Variants in EXT1 observed in about 807,000 individuals in gnomAD.
EXT1 encodes the protein exostosin glycosyltransferase 1, also known as exostosin-1.
Under a neutral mutation model 82.5 loss-of-function variants are expected in EXT1, and 20 were observed. The ratio of observed to expected loss-of-function variants is 0.24; its 90% CI spans 0.17 to 0.35. EXT1 has a LOEUF of 0.35. EXT1 is among the 10% of genes least tolerant of loss of function. The pLI is 1.00. For missense variants in EXT1, 757 were observed against 936.5 expected, an observed-to-expected ratio of 0.81 and a Z score of 2.50; for synonymous variants, 348 against 350.8, an observed-to-expected ratio of 0.99 and a Z score of 0.09.
chr8:118,109,633 G>C (rs963050097), intron 1 of EXT1, among the ~76,000 whole-genome samples: 1 of 152,042 alleles, frequency 6.6e-6, no homozygotes, highest in African/African-American at 2.4e-5. Flanking sequence ...TGGGAAAGTA[G>C]GTACCCCCGC....
chr8:117,947,313 T>C (rs1317885343), intron 1 of EXT1, among the ~76,000 whole-genome samples: 1 of 152,222 alleles, frequency 6.6e-6, no homozygotes, highest in Non-Finnish European at 1.5e-5. Context: ...AAAGTCACTT[T>C]TTTCTTTCTT....
At chr8:117,839,751 C>T (rs1159172072) in intron 1 of EXT1, among the ~76,000 whole-genome samples, 1 of 152,210 alleles carries the variant, frequency 6.6e-6, no homozygotes, top group East Asian at 1.9e-4. Flanking sequence ...CATTGTGATG[C>T]TCTTTCACAC....
At chr8:118,019,415 CAG>C (rs1456893989) in intron 1 of EXT1, among the ~76,000 whole-genome samples, 1 of 152,114 alleles carries the variant, frequency 6.6e-6, no homozygotes, top group Non-Finnish European at 1.5e-5. Context: ...GAAAGACAGG[CAG>C]AGAGAGAGAA....
rs60354141 is a variant in EXT1 at position 118,002,528 on chromosome 8, CTT to C, written c.962+107555_962+107556del. 2.3e-3 allele frequency among the ~76,000 whole-genome samples: 197 copies of C among 87,082 alleles called. 2 individuals are homozygous for C. The highest frequency in any genetic ancestry group is 4.5e-3 in the Admixed American group (29 of 6,492). The allele number at this position is 87,082 out of a possible 152,430, so 57.1% of individuals were successfully genotyped here. ...TATGGAAAACAGTGTGAATATTTTT[CTT>C]TTTTTTTTTTTTTTTTTTTGAGACA... is the stretch of plus-strand genomic sequence containing the variant. On this transcript the variant is annotated intron_variant, in intron 1 of 10. Transcript: ENST00000378204.
At position 118,093,506 on chromosome 8, in the gene EXT1, T is replaced by G. The variant is rs572831212; in HGVS notation, c.962+16579A>C. On this transcript the variant is annotated intron_variant, in intron 1 of 10. Coordinates refer to ENST00000378204, the MANE Select transcript of EXT1 (RefSeq NM_000127.3). The stretch of plus-strand genomic sequence containing the variant: ...ACCCTCTGTATAATTCTGTAATGTA[T>G]AAGAAGAATTTAATCCTGTTCTAAC... Among the ~76,000 whole-genome samples, 95 of 152,268 alleles carry G rather than the reference T, an allele frequency of 6.2e-4. No individual in the cohort carries two copies. The South Asian group carries it at 0.019, about 30-fold the overall frequency.
Position 117,965,185 on chromosome 8 carries a change from G to T in EXT1, c.963-127984C>A, listed in dbSNP as rs576886057. Reference sequence around the variant, plus strand: ...AAAGACACAACCAGCGTATCCTCTGGAACTTGAAAATAAAGATAAAACATA... The same window carrying T: ...AAAGACACAACCAGCGTATCCTCTGTAACTTGAAAATAAAGATAAAACATA... On this transcript the variant is annotated intron_variant, in intron 1 of 10. Coordinates refer to ENST00000378204, the MANE Select transcript of EXT1 (RefSeq NM_000127.3). 5.0e-4 allele frequency among the ~76,000 whole-genome samples: 76 copies of T among 151,880 alleles called. No individual in the cohort carries two copies. The South Asian group carries it at 7.1e-3, about 14-fold the overall frequency.
At position 117,858,800 on chromosome 8, in the gene EXT1, C is replaced by A. The variant is rs1347484320; in HGVS notation, c.963-21599G>T. Among the ~76,000 whole-genome samples the A allele has an allele frequency of 2.8e-3, 200 of 71,766 alleles. 17 individuals carry two copies. The highest frequency in any genetic ancestry group is 0.015 in the African/African-American group (193 of 12,886). 47.1% of individuals were successfully genotyped at this position (71,766 alleles called of 152,430 possible). On this transcript the variant is annotated intron_variant, in intron 1 of 10. Coordinates refer to ENST00000378204, the MANE Select transcript of EXT1 (RefSeq NM_000127.3). ...AGGCAGGCAGGCAGGCAAGGCAAGG[C>A]AAGGCAAGGCAGGAAGGAAGGAAGG...
chr8:117,864,200 T>A (rs1054487975), intron 1 of EXT1, among the ~76,000 whole-genome samples: 1 of 151,972 alleles, frequency 6.6e-6, no homozygotes, highest in African/African-American at 2.4e-5. Flanking sequence ...ATCAGAAAAA[T>A]TTTTAAAAAG....
chr8:117,974,052 A>G (rs926719081), intron 1 of EXT1, among the ~76,000 whole-genome samples: 1 of 152,082 alleles, frequency 6.6e-6, no homozygotes, highest in East Asian at 1.9e-4. Context: ...GGAAAGTTTT[A>G]AGGTAAAAAG....
At chr8:117,909,125 C>G (rs1383249713) in intron 1 of EXT1, among the ~76,000 whole-genome samples, 4 of 109,888 alleles carry the variant, frequency 3.6e-5, no homozygotes, top group African/African-American at 1.0e-4. Flanking sequence ...GAGCGAGACT[C>G]TGTCTCAAAA....
intron 1 of EXT1, among the ~76,000 whole-genome samples, chr8:118,030,239 A>C (rs900060800): frequency 1.3e-5 from 2 of 150,458 alleles, no homozygotes; most frequent in African/African-American, 2.5e-5. Context: ...TCCCATACTT[A>C]GAAAAAAAAA....
chr8:117,827,784 C>CAAAAA lies in EXT1; in HGVS notation c.1284+2441_1284+2445dup, dbSNP rs768731740. On this transcript the variant is annotated intron_variant, in intron 4 of 10. Transcript: ENST00000378204. ...TGGGGGACAGGGTGAGACTCTGTCT[C>CAAAAA]AAAAAAAAAAAAAAAAAAAAAAAAA... Among the ~76,000 whole-genome samples the CAAAAA allele has an allele frequency of 9.1e-4, 49 of 54,136 alleles. 6 individuals are homozygous for CAAAAA. The highest frequency in any genetic ancestry group is 3.7e-3 in the African/African-American group (46 of 12,556). The allele number at this position is 54,136 out of a possible 152,430, so 35.5% of individuals were successfully genotyped here.
At chr8:117,996,417 T>G (rs890100873) in intron 1 of EXT1, among the ~76,000 whole-genome samples, 1 of 152,218 alleles carries the variant, frequency 6.6e-6, no homozygotes, top group African/African-American at 2.4e-5. Flanking sequence ...GTACGGCTAG[T>G]GGCTGCCATA....
chr8:117,937,250 C>T (rs1814182717), intron 1 of EXT1, among the ~76,000 whole-genome samples: 1 of 152,214 alleles, frequency 6.6e-6, no homozygotes, highest in Admixed American at 6.5e-5. Flanking sequence ...CCCTTAGGGT[C>T]TTGGGCTGAA....
chr8:117,975,749 G>A (rs937082864), intron 1 of EXT1, among the ~76,000 whole-genome samples: 3 of 152,154 alleles, frequency 2.0e-5, no homozygotes, highest in Admixed American at 6.5e-5. Context: ...CAGAGCAATG[G>A]CTTCATACAG....
At chr8:117,925,204 T>C (rs1459324171) in intron 1 of EXT1, among the ~76,000 whole-genome samples, 1 of 152,210 alleles carries the variant, frequency 6.6e-6, no homozygotes, top group Non-Finnish European at 1.5e-5. Flanking sequence ...ACCTGGATTA[T>C]ATTCTATGGC....
At chr8:118,101,966 C>A (rs1356488671) in intron 1 of EXT1, among the ~76,000 whole-genome samples, 30 of 146,876 alleles carry the variant, frequency 2.0e-4, no homozygotes, top group East Asian at 1.8e-3. Flanking sequence ...AAAAAAAAAA[C>A]AAGTTAAATA....
intron 1 of EXT1, among the ~76,000 whole-genome samples, chr8:117,859,091 C>T (rs1375900022): frequency 6.6e-6 from 1 of 152,058 alleles, no homozygotes; most frequent in African/African-American, 2.4e-5. Flanking sequence ...TTTTTTTAGA[C>T]ATGTTATTGC....
At position 117,946,578 on chromosome 8, in the gene EXT1, C is replaced by T. The variant is rs186643066; in HGVS notation, c.963-109377G>A. 4.7e-4 allele frequency among the ~76,000 whole-genome samples: 72 copies of T among 152,180 alleles called. 1 individual carries two copies. The highest frequency in any genetic ancestry group is 4.2e-3 in the Admixed American group (64 of 15,288). ...AGCAACCTACAGGAGCGGGCAGGCA[C>T]GTAGCTTGGGCGAGCATGGAAAACA... On this transcript the variant is annotated intron_variant, in intron 1 of 10. Transcript: ENST00000378204.
Sources: allele counts gnomAD v4.1 joint callset (sites outside exome capture counted in the v4.1 genomes callset), GRCh38; gene constraint gnomAD v4.1.1; transcripts MANE v1.5; gene names NCBI Gene and HGNC (gene_info 2026-07-23, HGNC 2026-07-21).